The following PLXNA4 variants were observed in gnomAD, a reference collection of about 807,000 sequenced individuals.
The protein encoded by PLXNA4 is plexin-A4.
In PLXNA4, 44 loss-of-function variants were observed where a neutral mutation model predicts 191.8. The observed-to-expected ratio is 0.23, with a 90% CI of 0.18 to 0.29. The LOEUF (loss-of-function observed/expected upper bound fraction) is 0.29, where lower values mean the gene tolerates loss of function less well. Among genes scored for constraint, PLXNA4 ranks in the 10% least tolerant of loss-of-function variants. PLXNA4 has a pLI of 1.00. For synonymous variants in PLXNA4, 1,082 were observed against 1,009.5 expected (o/e 1.07, Z -1.36); for missense variants, 1,800 against 2,488.8 (o/e 0.72, Z 5.89).
At chr7:132,443,424 A>G (rs1302904846) in intron 3 of PLXNA4, among the ~76,000 whole-genome samples, 1 of 152,172 alleles carries the variant, frequency 6.6e-6, no homozygotes, top group Non-Finnish European at 1.5e-5. Context: ...AAGTCTGCCG[A>G]TACTCTGTAC....
rs1365949724 is a variant in PLXNA4, at chr7:132,298,104, A to G, written c.1490T>C (p.Met497Thr). 10 of 1,614,048 alleles carry G rather than the reference A, an allele frequency of 6.2e-6. No individual in the cohort carries two copies. Among genetic ancestry groups the G allele is most frequent in the Non-Finnish European group, 7.6e-6 (9 of 1,180,032 alleles). Residue 497 changes from methionine to threonine, a missense_variant, in exon 4 of 32, where the codon ATG becomes ACG. This residue lies in a region of PLXNA4 where 1,397 missense variants were observed against 1,880.4 expected (regional missense o/e 0.74). Transcript: ENST00000321063. Reference protein sequence around the residue: ...FSKDHEQLYIMSERQLTRVPV... With the variant: ...FSKDHEQLYITSERQLTRVPV... ...GAAGAGCCTTACCTGCCTCTCTGAC[A>G]TGATGTAGAGTTGCTCGTGGTCCTT...
At chr7:132,597,705 A>G (rs1288596621) in intron 2 of PLXNA4, among the ~76,000 whole-genome samples, 6 of 152,142 alleles carry the variant, frequency 3.9e-5, no homozygotes, top group Non-Finnish European at 7.3e-5. Context: ...TTTTGTTTGT[A>G]TGCATTCTTG....
At chr7:132,205,139 A>G (rs181405940) in intron 10 of PLXNA4, among the ~76,000 whole-genome samples, 3 of 152,338 alleles carry the variant, frequency 2.0e-5, no homozygotes, top group South Asian at 2.1e-4. Flanking sequence ...AACTTTGATC[A>G]TCATAGAACT....
At chr7:132,337,110 T>C (rs945488076) in intron 3 of PLXNA4, among the ~76,000 whole-genome samples, 9 of 152,240 alleles carry the variant, frequency 5.9e-5, no homozygotes, top group African/African-American at 1.7e-4. Context: ...GGTGGCAATG[T>C]GTCCGCAGGG....
chr7:132,497,803 A>G (rs1798086354), intron 2 of PLXNA4, among the ~76,000 whole-genome samples: 1 of 152,174 alleles, frequency 6.6e-6, no homozygotes, highest in Non-Finnish European at 1.5e-5. Flanking sequence ...AGCACAGGCC[A>G]TGGAAACAAT....
rs1796646900 is a variant in PLXNA4 at position 132,179,847 on chromosome 7, G to T, written c.3714C>A (p.Ala1238=). ...CGCCAGCCACTGCGATGCTGACGAT[G>T]GCGGGCAGGCTGAGCGGGCTGTCCG... The part of the protein sequence containing the change: ...IAPDSPLSLP[A]IVSIAVAGGL... Residue 1238 remains alanine (A), a synonymous_variant, in exon 20 of 32, where the codon GCC becomes GCA. Transcript: ENST00000321063. The T allele has an allele frequency of 6.2e-7, 1 of 1,613,570 alleles. No individual in the cohort carries two copies. The highest frequency in any genetic ancestry group is 8.5e-7 in the Non-Finnish European group (1 of 1,179,972).
chr7:132,563,459 TCTC>T lies in PLXNA4; in HGVS notation c.-87+12960_-87+12962del, dbSNP rs1440421685. On this transcript the variant is annotated intron_variant, in intron 1 of 31. Transcript: ENST00000321063. ...TCCTCCTCTTCCTCCTCCTCCTCCT[TCTC>T]CTCCTCCTCCTTCTGCTGCTCCTCC... Among the ~76,000 whole-genome samples, 54 of 25,702 alleles carry T rather than the reference TCTC, an allele frequency of 2.1e-3. 3 individuals are homozygous for T. Among genetic ancestry groups the T allele is most frequent in the African/African-American group, 8.7e-3 (49 of 5,644 alleles). The allele number at this position is 25,702 out of a possible 152,430, so 16.9% of individuals were successfully genotyped here.
At chr7:132,485,601 T>G (rs1010174063) in intron 3 of PLXNA4, among the ~76,000 whole-genome samples, 6 of 152,238 alleles carry the variant, frequency 3.9e-5, no homozygotes, top group Non-Finnish European at 5.9e-5. Context: ...TAGGTTTGCT[T>G]GGCCCTAAAG....
Position 132,211,095 on chromosome 7 carries a change from C to A in PLXNA4, c.2146G>T (p.Val716Leu). ...GCCTTCAGCGTGATAGGCTTGATCA[C>A]CTCCACGGGCACCAGGATCTTGTCC... ...RVDKILVPVE[V>L]IKPITLKAKN... Residue 716 changes from valine to leucine, a missense_variant, in exon 10 of 32, where the codon GTG (valine) becomes TTG (leucine). Val to Leu is a conservative substitution (Grantham distance 32). Around this residue, in one of 6 missense-constraint regions of PLXNA4, gnomAD observed 1,397 missense variants for 1,880.4 expected, o/e 0.74. Transcript: ENST00000321063. 1 of 1,585,708 alleles carries A rather than the reference C, an allele frequency of 6.3e-7. No individual in the cohort carries two copies. Among genetic ancestry groups the A allele is most frequent in the Non-Finnish European group, 8.6e-7 (1 of 1,165,624 alleles).
At chr7:132,372,915 G>T (rs1184074566) in intron 3 of PLXNA4, among the ~76,000 whole-genome samples, 1 of 152,226 alleles carries the variant, frequency 6.6e-6, no homozygotes, top group Non-Finnish European at 1.5e-5. Flanking sequence ...GAGCATGGAA[G>T]TGCCTTGAAA....
In PLXNA4 at chr7:132,537,611, C is replaced by G. The variant is rs1460284382; in HGVS notation, c.-86-28832G>C. Among the ~76,000 whole-genome samples, 5 of 152,176 alleles carry G rather than the reference C, an allele frequency of 3.3e-5. No individual in the cohort carries two copies. The South Asian group carries it at 1.0e-3, about 32-fold the overall frequency. ...TGTCTCGGGACTGAGGCACATGTGCCTGACCAGACCCGGAAGAGGGTGGGA... is the reference window on the plus strand; with the variant it reads ...TGTCTCGGGACTGAGGCACATGTGCGTGACCAGACCCGGAAGAGGGTGGGA... On this transcript the variant is annotated intron_variant, in intron 1 of 31. Coordinates refer to ENST00000321063, the MANE Select transcript of PLXNA4 (RefSeq NM_020911.2).
intron 3 of PLXNA4, among the ~76,000 whole-genome samples, chr7:132,348,929 A>G (rs1422141544): frequency 6.6e-6 from 1 of 152,190 alleles, no homozygotes; most frequent in Non-Finnish European, 1.5e-5. Context: ...TCCCCACTGC[A>G]CACTGAATGG....
At chr7:132,150,454 G>A (rs891076184) in intron 25 of PLXNA4, among the ~76,000 whole-genome samples, 12 of 152,154 alleles carry the variant, frequency 7.9e-5, no homozygotes, top group African/African-American at 2.9e-4. Context: ...TCCCCCACTT[G>A]CATGGTGAGT....
intron 3 of PLXNA4, among the ~76,000 whole-genome samples, chr7:132,417,698 A>AGGGGGAGAGGTGGGGGAGG: frequency 7.7e-6 from 1 of 129,064 alleles, no homozygotes; most frequent in Non-Finnish European, 1.6e-5. Flanking sequence ...AGAGAGAGAA[A>AGGGGGAGAGGTGGGGGAGG]GGGGGAGAGG....
intron 3 of PLXNA4, among the ~76,000 whole-genome samples, chr7:132,483,698 T>C (rs891708874): frequency 5.9e-5 from 9 of 152,176 alleles, no homozygotes; most frequent in African/African-American, 1.9e-4. Flanking sequence ...TATACACACA[T>C]ATGATTCAAA....
intron 4 of PLXNA4, among the ~76,000 whole-genome samples, chr7:132,258,037 A>T (rs997359463): frequency 1.3e-5 from 2 of 152,216 alleles, no homozygotes; most frequent in African/African-American, 4.8e-5. Flanking sequence ...AAGGCAGAAA[A>T]GTTGGACAGA....
At chr7:132,290,668 A>G (rs1800851991) in intron 4 of PLXNA4, among the ~76,000 whole-genome samples, 1 of 152,238 alleles carries the variant, frequency 6.6e-6, no homozygotes, top group African/African-American at 2.4e-5. Context: ...GTGGGTGTGC[A>G]TGTGCACACA....
intron 26 of PLXNA4, 85 bp from the exon 27 acceptor site, chr7:132,148,084 T>A: frequency 1.9e-6 from 3 of 1,595,338 alleles, no homozygotes; most frequent in Non-Finnish European, 2.6e-6. Context: ...AACTTGGCAC[T>A]AAGGGGAAAT....
chr7:132,177,122 AGTGT>A (rs950428575), intron 20 of PLXNA4, among the ~76,000 whole-genome samples: 4 of 150,320 alleles, frequency 2.7e-5, no homozygotes, highest in African/African-American at 9.9e-5. Flanking sequence ...TGAAAGCATG[AGTGT>A]GTGAGCATGT....
Sources: allele counts gnomAD v4.1 joint callset (sites outside exome capture counted in the v4.1 genomes callset), GRCh38; gene constraint gnomAD v4.1.1; regional missense constraint gnomAD v4.1.1; transcripts MANE v1.5; gene names NCBI Gene and HGNC (gene_info 2026-07-23, HGNC 2026-07-21).